Variants in PXK observed in about 807,000 individuals in gnomAD.
The protein encoded by PXK is PX domain containing serine/threonine kinase like, also known as PX domain-containing protein kinase-like protein.
PXK carries 35 observed loss-of-function variants against 84.7 expected under a neutral mutation model. The ratio of observed to expected loss-of-function variants is 0.41; its 90% CI spans 0.32 to 0.55. The LOEUF (loss-of-function observed/expected upper bound fraction) is 0.55. PXK is among the 20% of genes least tolerant of loss of function. The probability of loss-of-function intolerance (pLI) is 0.21; values close to 1 mark genes in which losing one functional copy is unlikely to be tolerated. For missense variants in PXK, 634 were observed against 699.7 expected, an observed-to-expected ratio of 0.91 and a Z score of 1.06; for synonymous variants, 253 against 260.8, an observed-to-expected ratio of 0.97 and a Z score of 0.29.
rs991020138 is a variant in PXK at position 58,383,257 on chromosome 3, A to C, written c.388+557A>C. On this transcript the variant is annotated intron_variant, in intron 4 of 17. Coordinates refer to ENST00000356151, the MANE Select transcript of PXK (RefSeq NM_017771.5). This position sits in a 1 kb window ranked among gnomAD's most constrained non-coding sequence, Gnocchi z 4.0. ...CAGTGAGCCGAGATAGCACCACTGC[A>C]CTCTAGCCTAGGCAACAGAGCAAGA... Among the ~76,000 whole-genome samples the C allele has an allele frequency of 2.0e-5, 3 of 152,200 alleles. No homozygotes were observed. The highest frequency in any genetic ancestry group is 4.8e-5 in the African/African-American group (2 of 41,440).
rs1469083014 is a variant in PXK, at chr3:58,379,076, C to T, written c.202-3438C>T. On this transcript the variant is annotated intron_variant, in intron 3 of 17. Coordinates refer to ENST00000356151, the MANE Select transcript of PXK (RefSeq NM_017771.5). This position sits in a 1 kb window ranked among gnomAD's most constrained non-coding sequence, Gnocchi z 5.1. ...TAGCTGGGATTACAGGCACCCACCA[C>T]CTTGCCTGCCTAATTTTTGTGTGTT... 1 of 152,098 alleles carries T rather than the reference C, an allele frequency of 6.6e-6. No individual in the cohort carries two copies. Among genetic ancestry groups the T allele is most frequent in the Non-Finnish European group, 1.5e-5 (1 of 68,096 alleles). 9.4% of individuals were successfully genotyped at this position (152,098 alleles called of 1,614,324 possible).
rs1362721745 is a variant in PXK, at chr3:58,407,559, A to C, written c.1231-1365A>C. ...GTTTTATTTATTTATTTATTTATTT[A>C]TTTTTCTTTTTTTCTTTTGGAGACA... On this transcript the variant is annotated intron_variant, in intron 13 of 17. Transcript: ENST00000356151. This position sits in a 1 kb window ranked among gnomAD's most constrained non-coding sequence, Gnocchi z 4.3. 4.0e-5 allele frequency among the ~76,000 whole-genome samples: 5 copies of C among 124,452 alleles called. No individual in the cohort carries two copies. Among genetic ancestry groups the C allele is most frequent in the African/African-American group, 1.5e-4 (5 of 32,714 alleles). The allele number at this position is 124,452 out of a possible 152,430, so 81.6% of individuals were successfully genotyped here.
At chr3:58,356,318 A>G (rs1029035455) in intron 1 of PXK, among the ~76,000 whole-genome samples, 9 of 152,154 alleles carry the variant, frequency 5.9e-5, no homozygotes, top group African/African-American at 2.2e-4. Flanking sequence ...TGGCAGGCTG[A>G]AATCCGTCTG....
intron 17 of PXK, chr3:58,420,904 C>G (rs1033873836): frequency 3.5e-6 from 4 of 1,127,078 alleles, no homozygotes; most frequent in Non-Finnish European, 4.4e-6. Flanking sequence ...CCCGTTGCTG[C>G]AAAAATGTTG....
At position 58,370,734 on chromosome 3, in the gene PXK, C is replaced by A. The variant is rs1287077651; in HGVS notation, c.201+1256C>A. Among the ~76,000 whole-genome samples the A allele has an allele frequency of 6.6e-6, 1 of 152,190 alleles. No homozygotes were observed. The highest frequency in any genetic ancestry group is 1.5e-5 in the Non-Finnish European group (1 of 68,034). ...AGCATTTGGGCCACACGTCGTGGCTCACTCCCGTAATCCCAGCACTTTGGG... is the reference window on the plus strand; with the variant it reads ...AGCATTTGGGCCACACGTCGTGGCTAACTCCCGTAATCCCAGCACTTTGGG... On this transcript the variant is annotated intron_variant, in intron 3 of 17. Coordinates refer to ENST00000356151, the MANE Select transcript of PXK (RefSeq NM_017771.5). The surrounding 1 kb of genome is among the most constrained non-coding windows in gnomAD (Gnocchi z 4.2).
In PXK at chr3:58,398,387, G is replaced by T. The variant is rs773409161; in HGVS notation, c.1102+665G>T. On this transcript the variant is annotated intron_variant, in intron 11 of 17. Coordinates refer to ENST00000356151, the MANE Select transcript of PXK (RefSeq NM_017771.5). This position sits in a 1 kb window ranked among gnomAD's most constrained non-coding sequence, Gnocchi z 4.5. ...TGCGCCACTGCACTCCAGCCTGGGC[G>T]ACACAGTAAGACTCTGCCTCAAACG... Among the ~76,000 whole-genome samples, 1 of 152,166 alleles carries T rather than the reference G, an allele frequency of 6.6e-6. No homozygotes were observed. The highest frequency in any genetic ancestry group is 1.5e-5 in the Non-Finnish European group (1 of 68,022).
rs1357229241 is a variant in PXK, at chr3:58,333,687, G to T, written c.102+597G>T. ...GCGGCAGTCGGGGCGCTGTTAAGCA[G>T]GTGTATGAATGTGCTTCTCTAACTT... On this transcript the variant is annotated intron_variant, in intron 1 of 17. Transcript: ENST00000356151. This position sits in a 1 kb window ranked among gnomAD's most constrained non-coding sequence, Gnocchi z 5.4. The T allele has an allele frequency of 2.2e-6, 1 of 455,882 alleles. No individual in the cohort carries two copies. The highest frequency in any genetic ancestry group is 2.4e-5 in the Admixed American group (1 of 42,476). 28.2% of individuals were successfully genotyped at this position (455,882 alleles called of 1,614,324 possible).
intron 1 of PXK, among the ~76,000 whole-genome samples, chr3:58,347,137 G>A (rs190339064): frequency 1.3e-5 from 2 of 152,108 alleles, no homozygotes; most frequent in Admixed American, 6.5e-5. Flanking sequence ...TACCGTGCCC[G>A]GCCATGTTCA....
At chr3:58,422,831 T>A in intron 17 of PXK, 3 of 985,404 alleles carry the variant, frequency 3.0e-6, no homozygotes, top group Non-Finnish European at 3.6e-6. Context: ...GAGCCTTTAG[T>A]AGAACTCCCA....
intron 17 of PXK, chr3:58,422,005 G>A (rs559997420): frequency 2.6e-4 from 259 of 985,388 alleles, no homozygotes; most frequent in Non-Finnish European, 3.0e-4. Context: ...GGTGGAGAGC[G>A]CGCAGGCAGC....
intron 3 of PXK, among the ~76,000 whole-genome samples, chr3:58,381,395 C>T (rs2098501156): frequency 6.6e-6 from 1 of 151,816 alleles, no homozygotes; most frequent in Non-Finnish European, 1.5e-5. Flanking sequence ...AAGGAGGTCC[C>T]AGGATGCCAC....
At chr3:58,393,391 G>T (rs1286554000) in intron 7 of PXK, among the ~76,000 whole-genome samples, 1 of 152,056 alleles carries the variant, frequency 6.6e-6, no homozygotes, top group Non-Finnish European at 1.5e-5. Context: ...AGTAATCCCA[G>T]TCAAACAGAA....
intron 1 of PXK, among the ~76,000 whole-genome samples, chr3:58,351,151 A>G (rs1022229781): frequency 3.3e-5 from 5 of 152,206 alleles, no homozygotes; most frequent in African/African-American, 9.7e-5. Context: ...ATAACATACC[A>G]GGCTCTTACC....
At chr3:58,366,605 G>A (rs2098275974) in intron 2 of PXK, among the ~76,000 whole-genome samples, 1 of 152,064 alleles carries the variant, frequency 6.6e-6, no homozygotes, top group South Asian at 2.1e-4. Flanking sequence ...CTCCTTCACA[G>A]CCCAGCTCAA....
In PXK at chr3:58,382,693, C is replaced by T. The variant is rs192148593; in HGVS notation, c.381C>T (p.Asn127=). ...KFLDPNNYSA[N]YTEIALQQVS... ...TAGATCCAAACAACTATTCCGCAAA[C>T]TATACTGGTAAGCGAAGGAATCTGT... Residue 127 remains asparagine (N), a synonymous_variant, in exon 4 of 18, where the codon AAC becomes AAT. Coordinates refer to ENST00000356151, the MANE Select transcript of PXK (RefSeq NM_017771.5). The T allele has an allele frequency of 4.3e-5, 67 of 1,564,170 alleles. No homozygotes were observed. The East Asian group carries it at 9.8e-4, about 23-fold the overall frequency.
intron 12 of PXK, among the ~76,000 whole-genome samples, 167 bp from the exon 13 acceptor site, chr3:58,403,695 C>T (rs540720776): frequency 1.3e-3 from 201 of 152,278 alleles, no homozygotes; most frequent in Middle Eastern, 3.4e-3. Context: ...CTGCAAATCC[C>T]TTTGCATTTG....
At position 58,409,191 on chromosome 3, in the gene PXK, A is replaced by C. The variant is rs1456022689; in HGVS notation, c.1308+190A>C. Among the ~76,000 whole-genome samples, 1 of 152,178 alleles carries C rather than the reference A, an allele frequency of 6.6e-6. No individual in the cohort carries two copies. Among genetic ancestry groups the C allele is most frequent in the Non-Finnish European group, 1.5e-5 (1 of 68,036 alleles). ...TCCTGCCCTCAGTCCTGCCTAGTCT[A>C]TGTGGGAAACAAACATGTCCAGGAA... On this transcript the variant is annotated intron_variant, in intron 14 of 17. Coordinates refer to ENST00000356151, the MANE Select transcript of PXK (RefSeq NM_017771.5). This position sits in a 1 kb window ranked among gnomAD's most constrained non-coding sequence, Gnocchi z 4.2.
At chr3:58,424,239 T>A (rs2062455330) in intron 17 of PXK, among the ~76,000 whole-genome samples, 1 of 152,244 alleles carries the variant, frequency 6.6e-6, no homozygotes, top group Non-Finnish European at 1.5e-5. Context: ...TGGTCTGTCA[T>A]TTTACATAAG....
At chr3:58,344,390 A>G (rs1230465196) in intron 1 of PXK, among the ~76,000 whole-genome samples, 1 of 152,192 alleles carries the variant, frequency 6.6e-6, no homozygotes, top group African/African-American at 2.4e-5. Flanking sequence ...CATCAGTGAC[A>G]CCTCCAAGAG....
Sources: allele counts gnomAD v4.1 joint callset (sites outside exome capture counted in the v4.1 genomes callset), GRCh38; gene constraint gnomAD v4.1.1; non-coding constraint Gnocchi (gnomAD v3.1); transcripts MANE v1.5; gene names NCBI Gene and HGNC (gene_info 2026-07-23, HGNC 2026-07-21).